Variants in SLC24A2 observed in about 807,000 individuals in gnomAD.
SLC24A2 encodes sodium/potassium/calcium exchanger 2.
SLC24A2 carries 36 observed loss-of-function variants against 62.0 expected under a neutral mutation model. That is an observed-to-expected ratio of 0.58 (90% CI 0.44 to 0.77). SLC24A2 has a LOEUF of 0.77. SLC24A2 is among the 30% of genes least tolerant of loss of function. The probability of loss-of-function intolerance (pLI) is 0.00; values close to 1 mark genes in which losing one functional copy is unlikely to be tolerated. For missense variants in SLC24A2, 846 were observed against 817.9 expected (o/e 1.03, Z -0.42); for synonymous variants, 358 against 294.0 (o/e 1.22, Z -2.23).
At chr9:19,953,971 A>T in the SLC24A2 span, among the ~76,000 whole-genome samples, 3 of 142,552 alleles carry the variant, frequency 2.1e-5, no homozygotes, top group African/African-American at 8.1e-5. Flanking sequence ...CTTTTTCCTA[A>T]AAAAAAAAAA....
chr9:20,290,880 G>A, the SLC24A2 span, among the ~76,000 whole-genome samples: 1 of 152,220 alleles, frequency 6.6e-6, no homozygotes, highest in East Asian at 1.9e-4. Flanking sequence ...AGATAAGGTA[G>A]AGGACAGCTG....
intron 4 of SLC24A2, among the ~76,000 whole-genome samples, chr9:19,618,289 C>T (rs778292656): frequency 1.3e-5 from 2 of 152,184 alleles, no homozygotes; most frequent in African/African-American, 4.8e-5. Context: ...AAAGAAGGCT[C>T]ATGACCAGGT....
the SLC24A2 span, among the ~76,000 whole-genome samples, chr9:19,923,949 G>T: frequency 6.6e-6 from 1 of 152,080 alleles, no homozygotes; most frequent in Non-Finnish European, 1.5e-5. Context: ...GGTTTCACCA[G>T]GCTGGTCTCG....
chr9:20,202,156 G>T, the SLC24A2 span, among the ~76,000 whole-genome samples: 2 of 151,564 alleles, frequency 1.3e-5, no homozygotes, highest in African/African-American at 2.4e-5. Context: ...TGAGATATAT[G>T]AAGCAGAAGA....
the SLC24A2 span, among the ~76,000 whole-genome samples, chr9:20,217,231 T>C: frequency 6.6e-6 from 1 of 152,190 alleles, no homozygotes; most frequent in Non-Finnish European, 1.5e-5. Context: ...GCCAACTGTA[T>C]GATTCCATAT....
chr9:20,118,897 T>C, the SLC24A2 span, among the ~76,000 whole-genome samples: 1 of 152,082 alleles, frequency 6.6e-6, no homozygotes, highest in Non-Finnish European at 1.5e-5. Flanking sequence ...CAATAAAATA[T>C]GTCAAAGGTG....
At chr9:19,701,761 G>A (rs573168140) in intron 2 of SLC24A2, among the ~76,000 whole-genome samples, 1 of 152,250 alleles carries the variant, frequency 6.6e-6, no homozygotes, top group African/African-American at 2.4e-5. Flanking sequence ...ACAGGAGAAT[G>A]TGCTGGTGAA....
chr9:20,264,449 C>G, the SLC24A2 span, among the ~76,000 whole-genome samples: 7 of 152,174 alleles, frequency 4.6e-5, no homozygotes, highest in African/African-American at 1.4e-4. Context: ...TCCAAAGATT[C>G]TCCTTAAGAA....
At chr9:20,010,921 C>T in the SLC24A2 span, among the ~76,000 whole-genome samples, 1 of 151,910 alleles carries the variant, frequency 6.6e-6, no homozygotes, top group Non-Finnish European at 1.5e-5. Context: ...CATCCATGTC[C>T]CTACAAAGGA....
At chr9:20,043,701 C>T in the SLC24A2 span, among the ~76,000 whole-genome samples, 2 of 152,130 alleles carry the variant, frequency 1.3e-5, no homozygotes, top group African/African-American at 4.8e-5. Flanking sequence ...GCCACAATCT[C>T]ATGACAAAAC....
chr9:20,290,225 C>A, the SLC24A2 span, among the ~76,000 whole-genome samples: 1 of 152,186 alleles, frequency 6.6e-6, no homozygotes, highest in African/African-American at 2.4e-5. Context: ...CTCTGTCAAA[C>A]CAACAATGTA....
chr9:19,979,196 A>G, the SLC24A2 span, among the ~76,000 whole-genome samples: 1 of 152,194 alleles, frequency 6.6e-6, no homozygotes, highest in South Asian at 2.1e-4. Context: ...TGCTTAGAAT[A>G]GTGCTTCTTA....
At chr9:19,754,640 G>A (rs1005084965) in intron 2 of SLC24A2, among the ~76,000 whole-genome samples, 13 of 143,762 alleles carry the variant, frequency 9.0e-5, no homozygotes, top group Non-Finnish European at 1.7e-4. Context: ...TGGAAATCAT[G>A]GGAGGATTTT....
At chr9:19,548,304 T>G (rs1834681564) in intron 8 of SLC24A2, among the ~76,000 whole-genome samples, 1 of 152,196 alleles carries the variant, frequency 6.6e-6, no homozygotes, top group Admixed American at 6.5e-5. Context: ...GTGGCATCAC[T>G]AAATATGAAG....
intron 4 of SLC24A2, among the ~76,000 whole-genome samples, chr9:19,617,441 A>G (rs959806467): frequency 6.6e-6 from 1 of 152,238 alleles, no homozygotes; most frequent in African/African-American, 2.4e-5. Context: ...GTATATAAAT[A>G]GGTATCTATA....
chr9:19,684,113 G>A (rs1214844566), intron 2 of SLC24A2, among the ~76,000 whole-genome samples: 1 of 152,176 alleles, frequency 6.6e-6, no homozygotes, highest in African/African-American at 2.4e-5. Context: ...AGCAGGAACT[G>A]ATGGGCAATC....
At chr9:19,861,469 G>A in the SLC24A2 span, among the ~76,000 whole-genome samples, 1 of 151,934 alleles carries the variant, frequency 6.6e-6, no homozygotes, top group African/African-American at 2.4e-5. Flanking sequence ...AAGAAGGATG[G>A]GCACAAAAAA....
At chr9:20,073,804 G>C in the SLC24A2 span, among the ~76,000 whole-genome samples, 1 of 150,800 alleles carries the variant, frequency 6.6e-6, no homozygotes, top group South Asian at 2.1e-4. Context: ...TGTATACATT[G>C]TGTATGTATA....
chr9:19,955,388 T>TTG, the SLC24A2 span, among the ~76,000 whole-genome samples: 164 of 151,306 alleles, frequency 1.1e-3, no homozygotes, highest in African/African-American at 3.2e-3. Context: ...TTTTTTTTTT[T>TTG]TTTGTTTTCC....
Sources: allele counts gnomAD v4.1 joint callset (sites outside exome capture counted in the v4.1 genomes callset), GRCh38; gene constraint gnomAD v4.1.1; transcripts MANE v1.5; gene names NCBI Gene and HGNC (gene_info 2026-07-23, HGNC 2026-07-21).